The following TWIST2 variants were observed in gnomAD, a reference collection of about 807,000 sequenced individuals.
TWIST2 encodes twist family bHLH transcription factor 2, also known as twist-related protein 2.
In TWIST2, 1 loss-of-function variant was observed where a neutral mutation model predicts 11.6. The observed-to-expected ratio is 0.09, with a 90% CI of 0.03 to 0.41. The LOEUF (loss-of-function observed/expected upper bound fraction) is 0.41, where lower values mean the gene tolerates loss of function less well. TWIST2 is among the 10% of genes least tolerant of loss of function. TWIST2 has a pLI of 0.98. For synonymous variants in TWIST2, 87 were observed against 96.6 expected (o/e 0.90, Z 0.58); for missense variants, 168 against 226.4 (o/e 0.74, Z 1.66).
intron 1 of TWIST2, among the ~76,000 whole-genome samples, chr2:238,873,225 G>A (rs759926996): frequency 2.0e-5 from 3 of 152,160 alleles, no homozygotes; most frequent in Non-Finnish European, 4.4e-5. Flanking sequence ...CACGTGCTGG[G>A]CTCCACATTA....
chr2:238,862,631 AT>A (rs1692454845), intron 1 of TWIST2, among the ~76,000 whole-genome samples: 1 of 152,228 alleles, frequency 6.6e-6, no homozygotes, highest in African/African-American at 2.4e-5. Context: ...TTCTAAAGGA[AT>A]TTTGATGGTA....
chr2:238,870,466 CCGACACACGCCA>C (rs1692651464), intron 1 of TWIST2, among the ~76,000 whole-genome samples: 1 of 31,498 alleles, frequency 3.2e-5, no homozygotes, highest in Admixed American at 4.1e-4. Flanking sequence ...CACCACACAC[CCGACACACGCCA>C]CACACACACC....
intron 1 of TWIST2, among the ~76,000 whole-genome samples, chr2:238,856,172 G>A (rs972555891): frequency 3.3e-5 from 5 of 152,172 alleles, no homozygotes; most frequent in African/African-American, 4.8e-5. Flanking sequence ...GTGTGACTGC[G>A]AAGGTGTTAA....
At chr2:238,878,381 G>A (rs1043876493) in intron 1 of TWIST2, among the ~76,000 whole-genome samples, 6 of 152,212 alleles carry the variant, frequency 3.9e-5, no homozygotes, top group Non-Finnish European at 8.8e-5. Context: ...AATCTAGAGT[G>A]AAATGGCCAC....
rs1692536408 is a variant in TWIST2 at position 238,866,489 on chromosome 2, T to G, written c.*35+17756T>G. ...CTGGCCAACATGGTGAAACCCCGTC[T>G]CTGCCAAAAATAGAAAAATTAGCTG... On this transcript the variant is annotated intron_variant, in intron 1 of 1. Transcript: ENST00000612363. The surrounding 1 kb of genome is among the most constrained non-coding windows in gnomAD (Gnocchi z 4.9). 6.6e-6 allele frequency among the ~76,000 whole-genome samples: 1 copy of G among 152,154 alleles called. No individual in the cohort carries two copies. The highest frequency in any genetic ancestry group is 1.5e-5 in the Non-Finnish European group (1 of 68,032).
At chr2:238,897,014 T>C in intron 1 of TWIST2, among the ~76,000 whole-genome samples, 1 of 152,224 alleles carries the variant, frequency 6.6e-6, no homozygotes, top group East Asian at 1.9e-4. Context: ...CAGGGGAACG[T>C]TGTAAAAAAC....
At chr2:238,850,190 T>A (rs910588298) in intron 1 of TWIST2, among the ~76,000 whole-genome samples, 3 of 152,340 alleles carry the variant, frequency 2.0e-5, no homozygotes, top group Admixed American at 2.0e-4. Context: ...ATTGTATAGT[T>A]TTTAAAAAAT....
chr2:238,902,681 TGTGTGATATGGGG>T (rs1693285862), intron 1 of TWIST2, among the ~76,000 whole-genome samples: 3 of 144,328 alleles, frequency 2.1e-5, no homozygotes, highest in Middle Eastern at 4.0e-3. Context: ...ATGTGGGGTG[TGTGTGATATGGGG>T]TGTGATGTGT....
At chr2:238,902,203 G>A (rs1331778755) in intron 1 of TWIST2, among the ~76,000 whole-genome samples, 1 of 151,726 alleles carries the variant, frequency 6.6e-6, no homozygotes, top group Non-Finnish European at 1.5e-5. Context: ...AGAGAGATAT[G>A]GGGTATGTGT....
At chr2:238,905,421 C>T (rs1021552153) in intron 1 of TWIST2, among the ~76,000 whole-genome samples, 18 of 152,166 alleles carry the variant, frequency 1.2e-4, no homozygotes, top group African/African-American at 4.1e-4. Context: ...GCAGAGAACA[C>T]GGCCCATGTC....
chr2:238,884,775 G>A (rs771403849), intron 1 of TWIST2, among the ~76,000 whole-genome samples: 5 of 152,212 alleles, frequency 3.3e-5, no homozygotes, highest in African/African-American at 1.2e-4. Flanking sequence ...CGCAGGTCAG[G>A]AGCACAGGGA....
intron 1 of TWIST2, among the ~76,000 whole-genome samples, chr2:238,879,071 G>A (rs1394514079): frequency 3.3e-5 from 5 of 152,312 alleles, no homozygotes; most frequent in East Asian, 1.9e-4. Context: ...AGAATCCAGC[G>A]AGCACAAAAG....
intron 1 of TWIST2, among the ~76,000 whole-genome samples, chr2:238,869,968 G>C (rs1186158152): frequency 6.6e-6 from 1 of 151,850 alleles, no homozygotes. Context: ...GAAAATAAAT[G>C]TTGGTGAGGA....
chr2:238,881,602 C>A (rs1422580880), intron 1 of TWIST2, among the ~76,000 whole-genome samples: 1 of 151,944 alleles, frequency 6.6e-6, no homozygotes, highest in Non-Finnish European at 1.5e-5. Flanking sequence ...TATTTATTAG[C>A]ATTAGTTAGT....
chr2:238,890,426 A>G (rs1693112911), intron 1 of TWIST2, among the ~76,000 whole-genome samples: 1 of 152,198 alleles, frequency 6.6e-6, no homozygotes, highest in Non-Finnish European at 1.5e-5. Context: ...CCGTGATTGC[A>G]CAAGCCTTGT....
chr2:238,870,374 C>A (rs1045637234), intron 1 of TWIST2, among the ~76,000 whole-genome samples: 1 of 17,770 alleles, frequency 5.6e-5, no homozygotes, highest in East Asian at 9.3e-4. Flanking sequence ...CACCACACAC[C>A]CCACACACCC....
At chr2:238,860,333 T>C (rs1692409376) in intron 1 of TWIST2, among the ~76,000 whole-genome samples, 2 of 152,236 alleles carry the variant, frequency 1.3e-5, no homozygotes, top group South Asian at 2.1e-4. Context: ...TCTTCCTCCC[T>C]GATCTGTGCA....
At chr2:238,883,591 A>T (rs540024006) in intron 1 of TWIST2, among the ~76,000 whole-genome samples, 1 of 152,322 alleles carries the variant, frequency 6.6e-6, no homozygotes, top group South Asian at 2.1e-4. Flanking sequence ...AAGGAGAAGG[A>T]TGGGGATTTT....
At chr2:238,857,934 C>T (rs565078146) in intron 1 of TWIST2, among the ~76,000 whole-genome samples, 1 of 152,112 alleles carries the variant, frequency 6.6e-6, no homozygotes, top group South Asian at 2.1e-4. Flanking sequence ...GAGATTTCAT[C>T]TCAAAACAAA....
Sources: gnomAD v4.1 joint callset for allele counts (sites outside exome capture counted in the v4.1 genomes callset) on GRCh38, gnomAD v4.1.1 for gene constraint, Gnocchi (gnomAD v3.1) non-coding constraint, MANE v1.5 for transcripts, NCBI Gene and HGNC (gene_info 2026-07-23, HGNC 2026-07-21) for gene names.